The following ZNF37A variants were observed in gnomAD, a reference collection of about 807,000 sequenced individuals.
ZNF37A encodes the protein zinc finger protein 37A.
A neutral mutation model predicts 12.3 loss-of-function variants in ZNF37A; 10 were observed. The ratio of observed to expected loss-of-function variants is 0.82; its 90% CI spans 0.50 to 1.38. ZNF37A has a LOEUF of 1.38. Among genes scored for constraint, ZNF37A ranks in the 40% most tolerant of loss-of-function variants. The pLI is 0.00. For synonymous variants in ZNF37A, 207 were observed against 223.0 expected, an observed-to-expected ratio of 0.93 and a Z score of 0.64; for missense variants, 580 against 651.2, an observed-to-expected ratio of 0.89 and a Z score of 1.19.
chr10:38,118,801 T>G lies in ZNF37A; in HGVS notation c.1650T>G (p.Pro550=). The G allele has an allele frequency of 6.3e-7, 1 of 1,594,350 alleles. No individual in the cohort carries two copies. Among genetic ancestry groups the G allele is most frequent in the Non-Finnish European group, 8.5e-7 (1 of 1,171,514 alleles). Residue 550 remains proline (P), a synonymous_variant, in exon 8 of 8, where the codon CCT becomes CCG. Coordinates refer to ENST00000685332, the MANE Select transcript of ZNF37A (RefSeq NM_001324250.3). ...AGAGAATACACTTGGGGAGAAACCC[T>G]ATAAATGTAGTAAACGAGGGAAATT... is the stretch of plus-strand genomic sequence containing the variant. ...VHQRIHLGRN[P]INVVNEGNYS...
intron 7 of ZNF37A, chr10:38,115,569 C>A: frequency 4.6e-6 from 1 of 215,304 alleles, no homozygotes; most frequent in Admixed American, 5.6e-5. Flanking sequence ...ATATGTAACA[C>A]TCATGTACCC....
chr10:38,096,480 G>C (rs368591138), intron 4 of ZNF37A, 94 bp from the exon 5 acceptor site: 1 of 769,722 alleles, frequency 1.3e-6, no homozygotes, highest in East Asian at 2.5e-5. Context: ...ATGCATGGGC[G>C]TGTGAGTATC....
chr10:38,111,750 G>T (rs2068673806), intron 5 of ZNF37A, among the ~76,000 whole-genome samples: 1 of 152,100 alleles, frequency 6.6e-6, no homozygotes, highest in African/African-American at 2.4e-5. Flanking sequence ...TTGCAGAGTA[G>T]ATCTAGTAAA....
intron 7 of ZNF37A, chr10:38,138,667 G>A (rs2070142259): frequency 6.6e-6 from 1 of 152,186 alleles, no homozygotes; most frequent in Non-Finnish European, 1.5e-5. Context: ...TTTATTAGCA[G>A]CACATGCTCA....
In ZNF37A at chr10:38,115,246, A is replaced by T; in HGVS notation, c.194A>T (p.Glu65Val). ...EVILKLEKGE[E>V]PWILEEKFPS... Reference sequence around the variant, plus strand: ...ATTCTCAAGTTGGAGAAAGGCGAGGAGCCATGGATATTAGAGGAAAAATTT... The same window carrying T: ...ATTCTCAAGTTGGAGAAAGGCGAGGTGCCATGGATATTAGAGGAAAAATTT... Residue 65 changes from glutamate (E) to valine (V), a missense_variant, in exon 7 of 8, where the codon GAG becomes GTG. Physicochemically the swap from Glu to Val is moderately radical, Grantham distance 121. Coordinates refer to ENST00000685332, the MANE Select transcript of ZNF37A (RefSeq NM_001324250.3). 1 of 1,613,918 alleles carries T rather than the reference A, an allele frequency of 6.2e-7. No individual in the cohort carries two copies. The highest frequency in any genetic ancestry group is 8.5e-7 in the Non-Finnish European group (1 of 1,179,976).
chr10:38,106,247 G>C (rs1434588335), intron 5 of ZNF37A, among the ~76,000 whole-genome samples: 1 of 152,202 alleles, frequency 6.6e-6, no homozygotes, highest in Non-Finnish European at 1.5e-5. Flanking sequence ...ACCTGCAGCA[G>C]AGGGGCCTGA....
intron 5 of ZNF37A, among the ~76,000 whole-genome samples, chr10:38,112,802 T>TCTCA (rs1554929974): frequency 4.3e-5 from 3 of 69,084 alleles, no homozygotes; most frequent in Non-Finnish European, 6.4e-5. Context: ...TTTCTTGTCT[T>TCTCA]GTCTTGTCTT....
At chr10:38,146,899 C>T in exon 8 of ZNF37A, 1 of 395,282 alleles carries the variant, frequency 2.5e-6, no homozygotes, top group East Asian at 3.6e-5. Flanking sequence ...GAGATGAGAG[C>T]CACAAACAGA....
At chr10:38,125,377 G>C (rs1433182227), downstream of ZNF37A, 1 of 152,096 alleles carries the variant, frequency 6.6e-6, no homozygotes, top group Non-Finnish European at 1.5e-5. Context: ...GTTCACTACA[G>C]AAAAAATATG....
chr10:38,143,597 G>A (rs939641454), intron 7 of ZNF37A: 3 of 152,198 alleles, frequency 2.0e-5, no homozygotes, highest in African/African-American at 7.2e-5. Context: ...TGAAGACATG[G>A]TGTTAGTAGC....
chr10:38,129,011 C>G (rs1341917354), downstream of ZNF37A, among the ~76,000 whole-genome samples: 1 of 152,046 alleles, frequency 6.6e-6, no homozygotes, highest in Non-Finnish European at 1.5e-5. Context: ...CTCGGCCTCC[C>G]AAAGTGCTGG....
intron 5 of ZNF37A, 138 bp from the exon 6 acceptor site, chr10:38,114,617 C>A: frequency 2.0e-6 from 2 of 1,024,020 alleles, no homozygotes; most frequent in Non-Finnish European, 2.9e-6. Context: ...CATAAAACAA[C>A]ATATATCATA....
At position 38,122,760 on chromosome 10, in the gene ZNF37A, A is replaced by G. The variant is rs1317716380; in HGVS notation, c.*3923A>G. On this transcript the variant is annotated 3_prime_UTR_variant, in exon 8 of 8. Coordinates refer to ENST00000685332, the MANE Select transcript of ZNF37A (RefSeq NM_001324250.3). ...TCGGGGAATCTCTCCAGGACATTGG[A>G]GTGGGCAAAGATTTCTTGTGTAATA... The G allele has an allele frequency of 6.6e-6, 1 of 152,202 alleles. No individual in the cohort carries two copies. Among genetic ancestry groups the G allele is most frequent in the Non-Finnish European group, 1.5e-5 (1 of 68,026 alleles). 9.4% of individuals were successfully genotyped at this position (152,202 alleles called of 1,614,324 possible).
intron 7 of ZNF37A, chr10:38,137,555 C>T (rs549689533): frequency 2.0e-5 from 3 of 152,290 alleles, no homozygotes; most frequent in South Asian, 4.1e-4. Flanking sequence ...AGAAGCACTC[C>T]ATAATTAGAA....
downstream of ZNF37A, among the ~76,000 whole-genome samples, chr10:38,128,230 G>A (rs1405823658): frequency 1.3e-5 from 2 of 152,108 alleles, no homozygotes; most frequent in African/African-American, 4.8e-5. Context: ...GTGAGGAGGG[G>A]GTTAATATAA....
In ZNF37A at chr10:38,121,297, CA is replaced by C. The variant is rs1464879096; in HGVS notation, c.*2461del. ...CCTAAAATTGAAAAAAACATCTAGCCATATCCATAAACTATATCATCACCAA... is the reference window on the plus strand; with the variant it reads ...CCTAAAATTGAAAAAAACATCTAGCCTATCCATAAACTATATCATCACCAA... On this transcript the variant is annotated 3_prime_UTR_variant, in exon 8 of 8. Transcript: ENST00000685332. 2.0e-5 allele frequency: 3 copies of C among 151,996 alleles called. No individual in the cohort carries two copies. The highest frequency in any genetic ancestry group is 4.4e-5 in the Non-Finnish European group (3 of 67,994). 9.4% of individuals were successfully genotyped at this position (151,996 alleles called of 1,614,324 possible).
intron 7 of ZNF37A, chr10:38,137,210 T>C (rs2070118687): frequency 1.3e-5 from 2 of 152,300 alleles, no homozygotes; most frequent in African/African-American, 4.8e-5. Flanking sequence ...TCTTTGTTGT[T>C]TTTGTTGTTG....
intron 5 of ZNF37A, among the ~76,000 whole-genome samples, chr10:38,097,811 T>G (rs1323291045): frequency 6.6e-6 from 1 of 151,932 alleles, no homozygotes; most frequent in African/African-American, 2.4e-5. Context: ...TCACATGAAA[T>G]TCACAATTAA....
Position 38,123,316 on chromosome 10 carries a change from A to G in ZNF37A, c.*4479A>G, listed in dbSNP as rs2069822244. On this transcript the variant is annotated 3_prime_UTR_variant, in exon 8 of 8. Transcript: ENST00000685332. ...TTTGTACCCACAAAAATTTAAAAAT[A>G]AAGTTAATTTCAATGTTTAAAGACT... The G allele has an allele frequency of 6.9e-6, 1 of 145,928 alleles. No homozygotes were observed. The highest frequency in any genetic ancestry group is 2.4e-5 in the African/African-American group (1 of 40,948). 9.0% of individuals were successfully genotyped at this position (145,928 alleles called of 1,614,324 possible).
Sources: allele counts gnomAD v4.1 joint callset (sites outside exome capture counted in the v4.1 genomes callset), GRCh38; gene constraint gnomAD v4.1.1; transcripts MANE v1.5; gene names NCBI Gene and HGNC (gene_info 2026-07-23, HGNC 2026-07-21).